Variants in RHOBTB2 observed in about 807,000 individuals in gnomAD.
RHOBTB2 encodes rho-related BTB domain-containing protein 2.
RHOBTB2 carries 39 observed loss-of-function variants against 66.5 expected under a neutral mutation model. That is an observed-to-expected ratio of 0.59 (90% CI 0.45 to 0.77). The LOEUF (loss-of-function observed/expected upper bound fraction) is 0.77. RHOBTB2 is among the 30% of genes least tolerant of loss of function. RHOBTB2 has a pLI of 0.00. For missense variants in RHOBTB2, 755 were observed against 999.1 expected (o/e 0.76, Z 3.29); for synonymous variants, 390 against 395.0 (o/e 0.99, Z 0.15).
chr8:22,977,285 G>T, the RHOBTB2 span, among the ~76,000 whole-genome samples: 1,124 of 152,190 alleles, frequency 7.4e-3, 12 homozygotes, highest in African/African-American at 0.025. Flanking sequence ...ATGCTCAATA[G>T]ATATTTGTCG....
the RHOBTB2 span, among the ~76,000 whole-genome samples, chr8:22,973,688 C>T: frequency 6.6e-6 from 1 of 152,076 alleles, no homozygotes; most frequent in Non-Finnish European, 1.5e-5. Context: ...GAGGGAGGCC[C>T]TTCTCTTTCA....
chr8:22,964,784 TTTTATTTATTTATTTA>T, the RHOBTB2 span, among the ~76,000 whole-genome samples: 24,212 of 144,410 alleles, frequency 0.17, 2,224 homozygotes, highest in Non-Finnish European at 0.2. Flanking sequence ...ATTAGCTTTA[TTTTATTTATTTATTTA>T]TTTATTTATT....
Position 23,004,677 on chromosome 8 carries a change from T to C in RHOBTB2, c.192+51T>C, listed in dbSNP as rs1810896045. On this transcript the variant is annotated intron_variant, in intron 2 of 9. Coordinates refer to ENST00000251822, the MANE Select transcript of RHOBTB2 (RefSeq NM_015178.3). This position sits in a 1 kb window ranked among gnomAD's most constrained non-coding sequence, Gnocchi z 6.4. ...GGGGTCCACGCCATGAGTCTGGGCT[T>C]GGGGGCTTCCTGAGGCATAGCTTGG... 1.3e-6 allele frequency: 2 copies of C among 1,540,670 alleles called. No individual in the cohort carries two copies. Among genetic ancestry groups the C allele is most frequent in the Non-Finnish European group, 1.8e-6 (2 of 1,136,064 alleles).
rs78117638 is a variant in RHOBTB2 at position 23,006,264 on chromosome 8, G to A, written c.482+119G>A. 1.3e-3 allele frequency: 1,150 copies of A among 859,502 alleles called. 14 individuals are homozygous for A. The African/African-American group carries it at 0.017, about 13-fold the overall frequency. The allele number at this position is 859,502 out of a possible 1,614,324, so 53.2% of individuals were successfully genotyped here. On this transcript the variant is annotated intron_variant, in intron 4 of 9. Coordinates refer to ENST00000251822, the MANE Select transcript of RHOBTB2 (RefSeq NM_015178.3). This position sits in a 1 kb window ranked among gnomAD's most constrained non-coding sequence, Gnocchi z 6.1. ...CTCTCCCTCCATTTGGAGCAAGCTT[G>A]CATTGGGAGTCAACAAGCATGCTCA...
the RHOBTB2 span, among the ~76,000 whole-genome samples, chr8:22,979,860 C>T: frequency 6.7e-6 from 1 of 148,538 alleles, no homozygotes; most frequent in African/African-American, 2.5e-5. Flanking sequence ...TGGGTTCAAG[C>T]AATTCTCCTG....
At position 23,004,524 on chromosome 8, in the gene RHOBTB2, C is replaced by G; in HGVS notation, c.90C>G (p.Leu30=). 6.2e-7 allele frequency: 1 copy of G among 1,614,228 alleles called. No homozygotes were observed. Among genetic ancestry groups the G allele is most frequent in the Non-Finnish European group, 8.5e-7 (1 of 1,180,046 alleles). Residue 30 remains leucine, a synonymous_variant, in exon 2 of 10, where the codon CTC becomes CTG. Transcript: ENST00000251822. This position sits in a 1 kb window ranked among gnomAD's most constrained non-coding sequence, Gnocchi z 6.4. ...VGDNAVGKTR[L]ICARACNATL... ...ACAACGCCGTGGGTAAGACCAGGCT[C>G]ATCTGTGCCCGCGCTTGCAATGCCA...
intron 1 of RHOBTB2, among the ~76,000 whole-genome samples, chr8:22,990,655 T>G (rs987600404): frequency 6.6e-6 from 1 of 151,582 alleles, no homozygotes; most frequent in Non-Finnish European, 1.5e-5. Context: ...TGACCTAGAG[T>G]GAATGTTTCC....
chr8:23,014,607 G>C, intron 7 of RHOBTB2, 83 bp from the exon 8 acceptor site: 2 of 1,302,320 alleles, frequency 1.5e-6, no homozygotes, highest in Non-Finnish European at 2.2e-6. Flanking sequence ...TCCTCACCCT[G>C]AAGTGAGCTG....
At position 23,006,991 on chromosome 8, in the gene RHOBTB2, C is replaced by T. The variant is rs745547797; in HGVS notation, c.746C>T (p.Pro249Leu). The T allele has an allele frequency of 2.7e-5, 43 of 1,610,024 alleles. No individual in the cohort carries two copies. Among genetic ancestry groups the T allele is most frequent in the Non-Finnish European group, 3.6e-5 (42 of 1,179,758 alleles). The part of the protein sequence containing the change: ...PPPIIVVPDP[P>L]SSSEECPAHL... ...CCGATCATCGTGGTGCCCGACCCTC[C>T]CTCCAGCAGCGAGGAGTGCCCCGCC... Residue 249 changes from proline (P) to leucine (L), a missense_variant, in exon 5 of 10, where the codon CCC becomes CTC. Physicochemically the swap from Pro to Leu is moderately conservative, Grantham distance 98. This residue lies in a region of RHOBTB2 where 247 missense variants were observed against 238.9 expected (regional missense o/e 1.03). Coordinates refer to ENST00000251822, the MANE Select transcript of RHOBTB2 (RefSeq NM_015178.3). The surrounding 1 kb of genome is among the most constrained non-coding windows in gnomAD (Gnocchi z 6.1).
Position 22,999,978 on chromosome 8 carries a change from C to T in RHOBTB2, c.-138C>T, listed in dbSNP as rs1585186000. 7.1e-6 allele frequency: 7 copies of T among 985,550 alleles called. No individual in the cohort carries two copies. The highest frequency in any genetic ancestry group is 8.4e-6 in the Non-Finnish European group (7 of 830,036). 61.1% of individuals were successfully genotyped at this position (985,550 alleles called of 1,614,324 possible). ...CCGGGAGGCTGGAGCCCAGCAGCAG[C>T]GCGGCGGCGCCGGCGTCGTCCCAAC... On this transcript the variant is annotated 5_prime_UTR_variant, in exon 1 of 10. Coordinates refer to ENST00000251822, the MANE Select transcript of RHOBTB2 (RefSeq NM_015178.3).
At position 23,006,416 on chromosome 8, in the gene RHOBTB2, G is replaced by A. The variant is rs952870977; in HGVS notation, c.482+271G>A. ...AAAAAGTCCTATAATTTTGCTGAGGGATAAACTAAATATGTGAGCATGTTA... is the reference window on the plus strand; with the variant it reads ...AAAAAGTCCTATAATTTTGCTGAGGAATAAACTAAATATGTGAGCATGTTA... On this transcript the variant is annotated intron_variant, in intron 4 of 9. Transcript: ENST00000251822. The surrounding 1 kb of genome is among the most constrained non-coding windows in gnomAD (Gnocchi z 6.1). The A allele has an allele frequency of 1.8e-6, 1 of 556,336 alleles. No individual in the cohort carries two copies. The highest frequency in any genetic ancestry group is 3.2e-6 in the Non-Finnish European group (1 of 313,916). The allele number at this position is 556,336 out of a possible 1,614,324, so 34.5% of individuals were successfully genotyped here.
At position 23,006,293 on chromosome 8, in the gene RHOBTB2, A is replaced by G; in HGVS notation, c.482+148A>G. 2 of 666,064 alleles carry G rather than the reference A, an allele frequency of 3.0e-6. No individual in the cohort carries two copies. Among genetic ancestry groups the G allele is most frequent in the Non-Finnish European group, 2.6e-6 (1 of 387,346 alleles). 41.3% of individuals were successfully genotyped at this position (666,064 alleles called of 1,614,324 possible). A position where few individuals can be genotyped will look rare whatever the true frequency, so the allele number is the denominator to read the frequency against. ...TGGGAGTCAACAAGCATGCTCATTC[A>G]TTCATTCATTCATATACCTGTTGCA... is the stretch of plus-strand genomic sequence containing the variant. On this transcript the variant is annotated intron_variant, in intron 4 of 9. Transcript: ENST00000251822. This position sits in a 1 kb window ranked among gnomAD's most constrained non-coding sequence, Gnocchi z 6.1.
the RHOBTB2 span, among the ~76,000 whole-genome samples, chr8:22,973,881 T>C: frequency 6.6e-6 from 1 of 152,088 alleles, no homozygotes; most frequent in East Asian, 1.9e-4. Context: ...CACCGGCATC[T>C]TCTCAGCCAT....
intron 1 of RHOBTB2, among the ~76,000 whole-genome samples, chr8:22,990,837 G>A (rs1385116121): frequency 2.0e-5 from 3 of 152,190 alleles, no homozygotes; most frequent in Non-Finnish European, 4.4e-5. Flanking sequence ...TTCCACAGAA[G>A]GCTTCTAGCT....
At chr8:22,957,403 T>G in the RHOBTB2 span, among the ~76,000 whole-genome samples, 1 of 152,226 alleles carries the variant, frequency 6.6e-6, no homozygotes, top group Non-Finnish European at 1.5e-5. Flanking sequence ...TTGGGCTGTT[T>G]TTCAAACACA....
upstream of RHOBTB2, among the ~76,000 whole-genome samples, chr8:22,985,140 T>C (rs1339882331): frequency 6.6e-6 from 1 of 151,908 alleles, no homozygotes; most frequent in East Asian, 1.9e-4. Context: ...AGTCTGGTGG[T>C]GACAAAGGAA....
chr8:23,010,408 C>G, intron 6 of RHOBTB2, 130 bp from the exon 7 acceptor site: 1 of 1,012,450 alleles, frequency 9.9e-7, no homozygotes, highest in Non-Finnish European at 1.4e-6. Flanking sequence ...GATACACATG[C>G]AGCACAGGGA....
intron 7 of RHOBTB2, 44 bp from the exon 8 acceptor site, chr8:23,014,646 G>T: frequency 6.5e-7 from 1 of 1,528,964 alleles, no homozygotes. Flanking sequence ...GGTGAGCACA[G>T]GTCATGTGCT....
intron 6 of RHOBTB2, among the ~76,000 whole-genome samples, chr8:23,008,315 T>G (rs1230248597): frequency 2.6e-5 from 4 of 152,186 alleles, no homozygotes; most frequent in Non-Finnish European, 5.9e-5. Flanking sequence ...CACCTCAACT[T>G]GAGAGTTTAG....
Sources: gnomAD v4.1 joint callset for allele counts (sites outside exome capture counted in the v4.1 genomes callset) on GRCh38, gnomAD v4.1.1 for gene constraint, gnomAD v4.1.1 regional missense constraint, Gnocchi (gnomAD v3.1) non-coding constraint, MANE v1.5 for transcripts, NCBI Gene and HGNC (gene_info 2026-07-23, HGNC 2026-07-21) for gene names.